The following TCF12 variants were observed in gnomAD, a reference collection of about 807,000 sequenced individuals.
TCF12 encodes the protein transcription factor 12.
Under a neutral mutation model 86.0 loss-of-function variants are expected in TCF12, and 45 were observed. That is an observed-to-expected ratio of 0.52 (90% confidence interval 0.41 to 0.67). The LOEUF (loss-of-function observed/expected upper bound fraction) is 0.67. TCF12 is among the 30% of genes least tolerant of loss of function. TCF12 has a pLI of 0.00. For missense variants in TCF12, 881 were observed against 859.9 expected (o/e 1.02, Z -0.31); for synonymous variants, 330 against 299.6 (o/e 1.10, Z -1.05).
intron 18 of TCF12, among the ~76,000 whole-genome samples, chr15:57,263,645 G>T (rs181872789): frequency 6.6e-6 from 1 of 152,112 alleles, no homozygotes; most frequent in Non-Finnish European, 1.5e-5. Context: ...ATATGGTCAG[G>T]TGTCACTTAA....
intron 4 of TCF12, among the ~76,000 whole-genome samples, chr15:57,076,939 T>G (rs1039509556): frequency 6.6e-6 from 1 of 152,172 alleles, no homozygotes; most frequent in African/African-American, 2.4e-5. Flanking sequence ...GTTAACTTGT[T>G]ATCTCTGTTA....
intron 20 of TCF12, among the ~76,000 whole-genome samples, chr15:57,284,069 C>CAGATCCTCTAAAACCT (rs1353997584): frequency 6.6e-6 from 1 of 152,196 alleles, no homozygotes; most frequent in Non-Finnish European, 1.5e-5. Flanking sequence ...AGCTAGTTTA[C>CAGATCCTCTAAAACCT]AGATCCTCTA....
intron 5 of TCF12, among the ~76,000 whole-genome samples, chr15:57,100,454 G>A (rs1434484799): frequency 6.8e-6 from 1 of 147,378 alleles, no homozygotes; most frequent in Non-Finnish European, 1.5e-5. Context: ...GTAGAGATGA[G>A]GTCTTGCTGT....
intron 3 of TCF12, among the ~76,000 whole-genome samples, chr15:57,002,108 G>A (rs2064077801): frequency 6.6e-6 from 1 of 152,198 alleles, no homozygotes; most frequent in Admixed American, 6.6e-5. Context: ...AATGATTGGA[G>A]CACAAGTGGT....
intron 8 of TCF12, among the ~76,000 whole-genome samples, chr15:57,212,257 GT>G (rs2058142479): frequency 6.6e-6 from 1 of 151,934 alleles, no homozygotes; most frequent in Admixed American, 6.6e-5. Flanking sequence ...ATGGCTTTGA[GT>G]TTTCTTTTTT....
chr15:57,109,374 A>G (rs1390283467), intron 5 of TCF12: 4 of 152,188 alleles, frequency 2.6e-5, no homozygotes, highest in Non-Finnish European at 4.4e-5. Flanking sequence ...AAAAAAATGC[A>G]TATTTCTTAT....
intron 6 of TCF12, among the ~76,000 whole-genome samples, chr15:57,170,641 TA>T (rs747041451): frequency 0.19 from 9,589 of 49,252 alleles, 780 homozygotes; most frequent in South Asian, 0.27. Context: ...TATATATATA[TA>T]ATATATATAT....
At chr15:57,192,793 A>C (rs1253372053) in intron 7 of TCF12, among the ~76,000 whole-genome samples, 1 of 152,182 alleles carries the variant, frequency 6.6e-6, no homozygotes, top group African/African-American at 2.4e-5. Context: ...TAATAAATGA[A>C]ATTATCAAAA....
intron 12 of TCF12, among the ~76,000 whole-genome samples, chr15:57,236,195 T>G (rs1367816039): frequency 6.6e-6 from 1 of 152,142 alleles, no homozygotes; most frequent in East Asian, 1.9e-4. Context: ...ATCCCTTCCT[T>G]CAATCCATCT....
At chr15:57,148,207 AAAGAAAG>A (rs1324348915) in intron 5 of TCF12, among the ~76,000 whole-genome samples, 1 of 410 alleles carries the variant, frequency 2.4e-3, no homozygotes, top group Non-Finnish European at 0.025. Context: ...AGTATAATAA[AAAGAAAG>A]AAAGAAAGAA....
At chr15:56,995,403 G>A (rs1362492746) in intron 3 of TCF12, among the ~76,000 whole-genome samples, 1 of 151,806 alleles carries the variant, frequency 6.6e-6, no homozygotes, top group African/African-American at 2.4e-5. Flanking sequence ...TACTTAGGTA[G>A]TGTGGTCATT....
intron 6 of TCF12, among the ~76,000 whole-genome samples, chr15:57,173,095 C>G (rs2055643492): frequency 6.6e-6 from 1 of 152,008 alleles, no homozygotes. Flanking sequence ...TCTCAAAAAC[C>G]AATGTCAGTA....
chr15:57,021,529 C>T (rs1164889120), intron 3 of TCF12, among the ~76,000 whole-genome samples: 1 of 152,152 alleles, frequency 6.6e-6, no homozygotes, highest in Admixed American at 6.5e-5. Flanking sequence ...GAATGCTATT[C>T]AGAATGAGCT....
intron 18 of TCF12, among the ~76,000 whole-genome samples, chr15:57,264,446 C>T (rs2060750556): frequency 6.6e-6 from 1 of 151,672 alleles, no homozygotes; most frequent in South Asian, 2.1e-4. Context: ...AGTGATCTGC[C>T]CACCTCATCC....
At position 56,965,589 on chromosome 15, in the gene TCF12, T is replaced by C. The variant is rs544342167; in HGVS notation, c.148+44491T>C. Among the ~76,000 whole-genome samples the C allele has an allele frequency of 5.3e-5, 8 of 152,274 alleles. No homozygotes were observed. The South Asian group carries it at 1.7e-3, about 32-fold the overall frequency. Reference sequence around the variant, plus strand: ...TTTGCATGTATATTATATCTGGAAATGGTAATAAATATTCATTGAAGAAAT... The same window carrying C: ...TTTGCATGTATATTATATCTGGAAACGGTAATAAATATTCATTGAAGAAAT... On this transcript the variant is annotated intron_variant, in intron 3 of 20. Coordinates refer to ENST00000333725, the MANE Select transcript of TCF12 (RefSeq NM_207037.2).
intron 3 of TCF12, among the ~76,000 whole-genome samples, chr15:56,998,249 G>C (rs2063815689): frequency 6.6e-6 from 1 of 152,092 alleles, no homozygotes; most frequent in Admixed American, 6.5e-5. Flanking sequence ...TTGAGGTCAG[G>C]AGTTCTAGAC....
At chr15:57,063,701 C>G (rs1246858082) in intron 3 of TCF12, 49 bp from the exon 4 acceptor site, 1 of 1,534,688 alleles carries the variant, frequency 6.5e-7, no homozygotes, top group Admixed American at 1.7e-5. Flanking sequence ...CCAAAAAAAT[C>G]CACAAAAGTA....
At chr15:56,946,328 T>C (rs1450514309) in intron 3 of TCF12, among the ~76,000 whole-genome samples, 1 of 152,224 alleles carries the variant, frequency 6.6e-6, no homozygotes, top group East Asian at 1.9e-4. Context: ...TTTCTCTTAC[T>C]GTGTCTTCAG....
At chr15:57,052,503 A>G (rs1254485608) in intron 3 of TCF12, among the ~76,000 whole-genome samples, 1 of 151,848 alleles carries the variant, frequency 6.6e-6, no homozygotes, top group Non-Finnish European at 1.5e-5. Flanking sequence ...CGGGCCTGGT[A>G]GTGGGTGCCT....
Sources: allele counts gnomAD v4.1 joint callset (sites outside exome capture counted in the v4.1 genomes callset), GRCh38; gene constraint gnomAD v4.1.1; transcripts MANE v1.5; gene names NCBI Gene and HGNC (gene_info 2026-07-23, HGNC 2026-07-21).